PDE1C: variants seen among roughly 807,000 people sequenced by gnomAD.
PDE1C encodes dual specificity calcium/calmodulin-dependent 3',5'-cyclic nucleotide phosphodiesterase 1C.
In PDE1C, 62 loss-of-function variants were observed where a neutral mutation model predicts 93.1. The observed-to-expected ratio is 0.67, with a 90% CI of 0.54 to 0.82. The LOEUF (loss-of-function observed/expected upper bound fraction) is 0.82, where lower values mean the gene tolerates loss of function less well. Ranked by LOEUF, PDE1C falls within the 40% of genes least tolerant of loss-of-function variation. The pLI, the probability that PDE1C is intolerant of heterozygous loss-of-function variation, is 0.00. For missense variants in PDE1C, 742 were observed against 884.6 expected (o/e 0.84, Z 2.04); for synonymous variants, 325 against 310.1 (o/e 1.05, Z -0.50).
chr7:31,634,478 G>C, the PDE1C span, among the ~76,000 whole-genome samples: 1 of 152,104 alleles, frequency 6.6e-6, no homozygotes, highest in Non-Finnish European at 1.5e-5. Flanking sequence ...TTCCCTATGA[G>C]GGGACAGACT....
intron 1 of PDE1C, among the ~76,000 whole-genome samples, chr7:32,406,662 G>A (rs2128096827): frequency 6.6e-6 from 1 of 152,282 alleles, no homozygotes; most frequent in South Asian, 2.1e-4. Context: ...TGGGACTGTG[G>A]GCTGCTCCTT....
At chr7:32,234,649 A>G (rs2128864808) in intron 1 of PDE1C, among the ~76,000 whole-genome samples, 1 of 152,168 alleles carries the variant, frequency 6.6e-6, no homozygotes, top group African/African-American at 2.4e-5. Flanking sequence ...AAAATATTCC[A>G]AGTCCAGATA....
Position 31,823,074 on chromosome 7 carries a change from T to G in PDE1C, c.1581A>C (p.Lys527Asn). Residue 527 changes from lysine (K) to asparagine (N), a missense_variant and splice_region_variant, in exon 14 of 18, where the codon AAA (lysine) becomes AAC (asparagine). This residue lies in a region of PDE1C where 454 missense variants were observed against 459.4 expected (regional missense o/e 0.99). Transcript: ENST00000396191. ...NRERWRAKVP[K>N]EEKAKKEAEE... Reference sequence around the variant, plus strand: ...TTGGACAGGTCTGTGGCATGTTACCTTTGGGTACCTTGGCCCTCCATCTCT... The same window carrying G: ...TTGGACAGGTCTGTGGCATGTTACCGTTGGGTACCTTGGCCCTCCATCTCT... 1 of 1,608,526 alleles carries G rather than the reference T, an allele frequency of 6.2e-7. No individual in the cohort carries two copies. The highest frequency in any genetic ancestry group is 1.1e-5 in the South Asian group (1 of 90,092).
At chr7:32,361,864 A>G (rs1784143362) in intron 1 of PDE1C, among the ~76,000 whole-genome samples, 1 of 152,222 alleles carries the variant, frequency 6.6e-6, no homozygotes, top group Non-Finnish European at 1.5e-5. Context: ...TGGATAAAAA[A>G]GTAAATGTGT....
intron 16 of PDE1C, among the ~76,000 whole-genome samples, chr7:31,790,757 T>C (rs1003062880): frequency 4.6e-5 from 7 of 152,100 alleles, no homozygotes; most frequent in Non-Finnish European, 7.4e-5. Context: ...ATTTTGCAGA[T>C]GGGTGAATCA....
chr7:31,765,439 G>A (rs930811172), intron 17 of PDE1C, among the ~76,000 whole-genome samples: 2 of 152,068 alleles, frequency 1.3e-5, no homozygotes, highest in Admixed American at 1.3e-4. Context: ...TGGAGATAAC[G>A]CAAGCTAAGT....
chr7:32,184,998 C>T (rs1381599159), intron 2 of PDE1C, among the ~76,000 whole-genome samples: 6 of 151,958 alleles, frequency 3.9e-5, no homozygotes, highest in African/African-American at 1.5e-4. Context: ...ATAATCCCAG[C>T]TACTCAGGAG....
chr7:31,742,207 C>T, the PDE1C span, among the ~76,000 whole-genome samples: 1 of 152,194 alleles, frequency 6.6e-6, no homozygotes, highest in Admixed American at 6.5e-5. Flanking sequence ...AAAGAACAAA[C>T]GTCCCATCGG....
rs779690905 is a variant in PDE1C, at chr7:31,796,912, G to C, written c.1891+12119C>G. Among the ~76,000 whole-genome samples, 6 of 151,812 alleles carry C rather than the reference G, an allele frequency of 4.0e-5. No individual in the cohort carries two copies. The South Asian group carries it at 1.0e-3, about 26-fold the overall frequency. ...TTAGTGAAGTTTTACCCAGATTCATGAGAAAAACAGACACCTAAAAATAAT... is the reference window on the plus strand; with the variant it reads ...TTAGTGAAGTTTTACCCAGATTCATCAGAAAAACAGACACCTAAAAATAAT... On this transcript the variant is annotated intron_variant, in intron 16 of 17. Coordinates refer to ENST00000396191, the MANE Select transcript of PDE1C (RefSeq NM_001191057.4).
intron 1 of PDE1C, among the ~76,000 whole-genome samples, chr7:32,062,388 G>C (rs972019996): frequency 2.0e-5 from 3 of 152,096 alleles, no homozygotes; most frequent in Admixed American, 6.5e-5. Flanking sequence ...TGGAGCCTTC[G>C]CCTCCTTCCA....
intron 3 of PDE1C, among the ~76,000 whole-genome samples, chr7:32,149,659 G>T (rs546020181): frequency 1.3e-5 from 2 of 152,120 alleles, no homozygotes; most frequent in African/African-American, 4.8e-5. Context: ...AATGTTGGGC[G>T]GGTTATAATG....
intron 1 of PDE1C, among the ~76,000 whole-genome samples, chr7:32,288,574 G>C (rs560971695): frequency 2.0e-5 from 3 of 152,336 alleles, no homozygotes; most frequent in Admixed American, 2.0e-4. Flanking sequence ...TTGGGATCTA[G>C]TCTGGCTCAA....
At chr7:31,973,785 G>A (rs1811281977) in intron 2 of PDE1C, among the ~76,000 whole-genome samples, 2 of 152,130 alleles carry the variant, frequency 1.3e-5, no homozygotes, top group African/African-American at 4.8e-5. Flanking sequence ...TGGTTACGGG[G>A]TCTACATTCT....
chr7:32,052,369 G>A (rs1388096149), intron 1 of PDE1C: 2 of 465,244 alleles, frequency 4.3e-6, no homozygotes, highest in Admixed American at 2.3e-5. Flanking sequence ...ACCTAGGTCA[G>A]AGTGGCAGAC....
chr7:32,242,471 A>G (rs1238394545), intron 1 of PDE1C, among the ~76,000 whole-genome samples: 1 of 152,254 alleles, frequency 6.6e-6, no homozygotes, highest in East Asian at 1.9e-4. Context: ...AGGCAAGATC[A>G]TTCGAGGTGA....
At chr7:31,914,423 C>T (rs1801627777) in intron 2 of PDE1C, among the ~76,000 whole-genome samples, 1 of 152,156 alleles carries the variant, frequency 6.6e-6, no homozygotes, top group Non-Finnish European at 1.5e-5. Flanking sequence ...CAAATGTTAA[C>T]ATATACCTTG....
intron 1 of PDE1C, among the ~76,000 whole-genome samples, chr7:32,054,836 T>C (rs895243364): frequency 6.6e-6 from 1 of 152,126 alleles, no homozygotes; most frequent in African/African-American, 2.4e-5. Flanking sequence ...CAAGAGAAAA[T>C]GCAACTCATA....
At chr7:31,834,528 G>C (rs1472762974) in intron 11 of PDE1C, among the ~76,000 whole-genome samples, 1 of 152,194 alleles carries the variant, frequency 6.6e-6, no homozygotes, top group African/African-American at 2.4e-5. Context: ...GTGAGACATA[G>C]AGTCAAAAGG....
At chr7:32,292,189 T>C (rs1343978242) in intron 1 of PDE1C, among the ~76,000 whole-genome samples, 1 of 152,106 alleles carries the variant, frequency 6.6e-6, no homozygotes, top group Non-Finnish European at 1.5e-5. Flanking sequence ...AAAAATAATT[T>C]TTAAAAATTT....
Sources: allele counts gnomAD v4.1 joint callset (sites outside exome capture counted in the v4.1 genomes callset), GRCh38; gene constraint gnomAD v4.1.1; regional missense constraint gnomAD v4.1.1; transcripts MANE v1.5; gene names NCBI Gene and HGNC (gene_info 2026-07-23, HGNC 2026-07-21).